Variants in MLLT3 observed in about 807,000 individuals in gnomAD.
The protein encoded by MLLT3 is protein AF-9.
Under a neutral mutation model 53.2 loss-of-function variants are expected in MLLT3, and 4 were observed. The observed-to-expected ratio is 0.08, with a 90% confidence interval of 0.04 to 0.17. The LOEUF (loss-of-function observed/expected upper bound fraction) is 0.17, where lower values mean the gene tolerates loss of function less well. Among genes scored for constraint, MLLT3 ranks in the 10% least tolerant of loss-of-function variants. MLLT3 has a pLI of 1.00. For missense variants in MLLT3, 569 were observed against 684.0 expected, an observed-to-expected ratio of 0.83 and a Z score of 1.87; for synonymous variants, 283 against 230.6, an observed-to-expected ratio of 1.23 and a Z score of -2.06.
At chr9:20,370,942 CT>C (rs1471867035) in intron 5 of MLLT3, among the ~76,000 whole-genome samples, 1 of 152,134 alleles carries the variant, frequency 6.6e-6, no homozygotes, top group Non-Finnish European at 1.5e-5. Flanking sequence ...AGGAAAAGTT[CT>C]TGAATGGAAT....
At chr9:20,547,330 G>C (rs968283119) in intron 2 of MLLT3, among the ~76,000 whole-genome samples, 1 of 151,666 alleles carries the variant, frequency 6.6e-6, no homozygotes, top group Non-Finnish European at 1.5e-5. Context: ...TACCATGCCC[G>C]GCCCTCATAC....
At chr9:20,567,301 C>G (rs540577691) in intron 2 of MLLT3, among the ~76,000 whole-genome samples, 1 of 79,632 alleles carries the variant, frequency 1.3e-5, no homozygotes, top group African/African-American at 5.1e-5. Flanking sequence ...GTACTATATT[C>G]AGTAAAAAAA....
At chr9:20,456,823 T>A in intron 2 of MLLT3, 37 bp from the exon 3 acceptor site, 4 of 1,394,142 alleles carry the variant, frequency 2.9e-6, no homozygotes, top group Non-Finnish European at 3.9e-6. Flanking sequence ...AAGATGAGAA[T>A]AATAGACAAA....
chr9:20,600,610 A>G (rs1820397306), intron 2 of MLLT3, among the ~76,000 whole-genome samples: 2 of 152,224 alleles, frequency 1.3e-5, no homozygotes, highest in African/African-American at 2.4e-5. Flanking sequence ...TTGAAATCCA[A>G]CTAGATTTTA....
chr9:20,579,293 A>G (rs560550400), intron 2 of MLLT3, among the ~76,000 whole-genome samples: 38 of 152,280 alleles, frequency 2.5e-4, no homozygotes, highest in African/African-American at 8.4e-4. Flanking sequence ...TCACTTGAGC[A>G]CAGGAGTCAA....
chr9:20,390,728 C>A (rs1406010842), intron 5 of MLLT3, among the ~76,000 whole-genome samples: 1 of 152,196 alleles, frequency 6.6e-6, no homozygotes, highest in Non-Finnish European at 1.5e-5. Flanking sequence ...ATTAAAGTTT[C>A]TTTTTCAAAA....
At chr9:20,498,871 G>A (rs991355358) in intron 2 of MLLT3, among the ~76,000 whole-genome samples, 1 of 152,156 alleles carries the variant, frequency 6.6e-6, no homozygotes, top group African/African-American at 2.4e-5. Flanking sequence ...AAGCACTAAA[G>A]CATACTGCCT....
At chr9:20,601,361 G>A (rs1489426998) in intron 2 of MLLT3, among the ~76,000 whole-genome samples, 1 of 152,194 alleles carries the variant, frequency 6.6e-6, no homozygotes, top group Non-Finnish European at 1.5e-5. Context: ...ACCTAGCAAA[G>A]TCTCACACTT....
At chr9:20,595,264 G>A (rs1264377152) in intron 2 of MLLT3, among the ~76,000 whole-genome samples, 1 of 152,110 alleles carries the variant, frequency 6.6e-6, no homozygotes, top group Non-Finnish European at 1.5e-5. Context: ...CTACACAAGA[G>A]GCTGAGACAG....
chr9:20,556,595 A>C (rs1351630716), intron 2 of MLLT3, among the ~76,000 whole-genome samples: 8 of 152,060 alleles, frequency 5.3e-5, no homozygotes, highest in African/African-American at 1.9e-4. Context: ...AGCCAGAAAA[A>C]TCCCTTGAAC....
At chr9:20,482,715 T>C (rs910324614) in intron 2 of MLLT3, among the ~76,000 whole-genome samples, 2 of 152,218 alleles carry the variant, frequency 1.3e-5, no homozygotes, top group African/African-American at 4.8e-5. Flanking sequence ...AGATAATTAG[T>C]ATAAGAGGCA....
intron 2 of MLLT3, among the ~76,000 whole-genome samples, chr9:20,501,231 A>G (rs533037897): frequency 2.0e-5 from 3 of 152,200 alleles, no homozygotes; most frequent in African/African-American, 2.4e-5. Flanking sequence ...AGATTCTCTC[A>G]TTCTCCATAA....
intron 2 of MLLT3, among the ~76,000 whole-genome samples, chr9:20,512,914 G>A (rs537193635): frequency 7.0e-4 from 107 of 152,308 alleles, no homozygotes; most frequent in African/African-American, 2.5e-3. Flanking sequence ...AAGTGACTAA[G>A]TAAATAATAC....
At chr9:20,519,520 A>G (rs968914483) in intron 2 of MLLT3, among the ~76,000 whole-genome samples, 1 of 152,214 alleles carries the variant, frequency 6.6e-6, no homozygotes, top group African/African-American at 2.4e-5. Context: ...TGACGTACAT[A>G]GTTAAACTCA....
At chr9:20,572,964 T>C (rs1209363829) in intron 2 of MLLT3, among the ~76,000 whole-genome samples, 2 of 152,110 alleles carry the variant, frequency 1.3e-5, no homozygotes, top group African/African-American at 4.8e-5. Flanking sequence ...ATATAGTTTC[T>C]CCTTCAAAAA....
At position 20,448,017 on chromosome 9, in the gene MLLT3, C is replaced by A; in HGVS notation, c.420+106G>T. 2.3e-6 allele frequency: 3 copies of A among 1,304,680 alleles called. No homozygotes were observed. In the South Asian group the frequency reaches 4.4e-5, roughly 19 times the overall value. 80.8% of individuals were successfully genotyped at this position (1,304,680 alleles called of 1,614,324 possible). A position where few individuals can be genotyped will look rare whatever the true frequency, so the allele number is the denominator to read the frequency against. ...AGGTACATCATTTCTTTTACCTCTC[C>A]CAAAACCTTATACTTTTTAACACAT... On this transcript the variant is annotated intron_variant, in intron 4 of 10. Coordinates refer to ENST00000380338, the MANE Select transcript of MLLT3 (RefSeq NM_004529.4). This position sits in a 1 kb window ranked among gnomAD's most constrained non-coding sequence, Gnocchi z 4.0.
At chr9:20,474,985 T>C (rs1824485053) in intron 2 of MLLT3, among the ~76,000 whole-genome samples, 1 of 152,104 alleles carries the variant, frequency 6.6e-6, no homozygotes, top group African/African-American at 2.4e-5. Flanking sequence ...CAAAGAGCTG[T>C]CAGCCTAGTA....
chr9:20,579,166 G>A (rs1819727375), intron 2 of MLLT3, among the ~76,000 whole-genome samples: 4 of 152,162 alleles, frequency 2.6e-5, no homozygotes, highest in Non-Finnish European at 4.4e-5. Flanking sequence ...CCAGGAGTTT[G>A]AGACCAGCCT....
intron 8 of MLLT3, among the ~76,000 whole-genome samples, chr9:20,357,527 T>C (rs1645639907): frequency 6.6e-6 from 1 of 152,208 alleles, no homozygotes; most frequent in South Asian, 2.1e-4. Context: ...ACGTTCAAGA[T>C]TATATTTTTC....
Sources: gnomAD v4.1 joint callset for allele counts (sites outside exome capture counted in the v4.1 genomes callset) on GRCh38, gnomAD v4.1.1 for gene constraint, Gnocchi (gnomAD v3.1) non-coding constraint, MANE v1.5 for transcripts, NCBI Gene and HGNC (gene_info 2026-07-23, HGNC 2026-07-21) for gene names.